Variants in AUTS2 observed in about 807,000 individuals in gnomAD.
AUTS2 encodes the protein activator of transcription and developmental regulator AUTS2.
A neutral mutation model predicts 112.4 loss-of-function variants in AUTS2; 17 were observed. That is an observed-to-expected ratio of 0.15 (90% CI 0.10 to 0.23). The LOEUF is 0.23. AUTS2 is among the 10% of genes least tolerant of loss of function. AUTS2 has a pLI of 1.00. For synonymous variants in AUTS2, 751 were observed against 702.7 expected (o/e 1.07, Z -1.09); for missense variants, 1,510 against 1,701.6 (o/e 0.89, Z 1.98).
At chr7:69,765,868 G>A (rs989189920) in intron 1 of AUTS2, among the ~76,000 whole-genome samples, 4 of 152,136 alleles carry the variant, frequency 2.6e-5, no homozygotes, top group Non-Finnish European at 5.9e-5. Context: ...GATCGCTTGA[G>A]CCCAGGAGGA....
In AUTS2 at chr7:70,763,138, G is replaced by A; in HGVS notation, c.1011G>A (p.Leu337=). Residue 337 remains leucine, a synonymous_variant, in exon 7 of 19, where the codon CTG becomes CTA. Transcript: ENST00000342771. The part of the protein sequence containing the change: ...RTEAPPQPPP[L]STQPPQGPPE... ...AGGCCCCACCTCAACCCCCACCTCT[G>A]AGTACACAGCCACCACAGGGCCCTC... 6.2e-7 allele frequency: 1 copy of A among 1,613,930 alleles called. No individual in the cohort carries two copies. Among genetic ancestry groups the A allele is most frequent in the Non-Finnish European group, 8.5e-7 (1 of 1,179,964 alleles).
At chr7:69,899,607 G>T (rs557430209) in intron 2 of AUTS2, 109 bp downstream of exon 2, 4 of 1,026,680 alleles carry the variant, frequency 3.9e-6, no homozygotes, top group Non-Finnish European at 5.8e-6. Flanking sequence ...TTGGTGGGAT[G>T]CTGAAGTGGT....
intron 6 of AUTS2, among the ~76,000 whole-genome samples, chr7:70,745,628 A>C (rs1788404138): frequency 6.6e-6 from 1 of 152,204 alleles, no homozygotes; most frequent in African/African-American, 2.4e-5. Flanking sequence ...ACAGGCGTAT[A>C]CCTGGAGGCT....
At chr7:69,658,402 T>C (rs184398265) in intron 1 of AUTS2, among the ~76,000 whole-genome samples, 2 of 152,372 alleles carry the variant, frequency 1.3e-5, no homozygotes, top group East Asian at 3.9e-4. Context: ...GACTGACCAA[T>C]CTATTTCTCT....
intron 2 of AUTS2, among the ~76,000 whole-genome samples, chr7:69,991,809 T>C (rs1798752442): frequency 6.6e-6 from 1 of 152,196 alleles, no homozygotes; most frequent in Admixed American, 6.5e-5. Flanking sequence ...GGGCAGTGAT[T>C]TCTCCCAAAG....
intron 1 of AUTS2, among the ~76,000 whole-genome samples, chr7:69,774,353 T>C (rs1163728891): frequency 6.6e-6 from 1 of 152,190 alleles, no homozygotes; most frequent in African/African-American, 2.4e-5. Context: ...TGAACCATGA[T>C]TGTGCCACTG....
intron 2 of AUTS2, among the ~76,000 whole-genome samples, chr7:69,954,084 A>G (rs1440079762): frequency 6.6e-6 from 1 of 152,138 alleles, no homozygotes; most frequent in Non-Finnish European, 1.5e-5. Flanking sequence ...ATTTACATAT[A>G]TTTAAGGTAT....
intron 4 of AUTS2, among the ~76,000 whole-genome samples, chr7:70,145,621 G>C (rs1272209078): frequency 1.3e-5 from 2 of 152,066 alleles, no homozygotes; most frequent in African/African-American, 4.8e-5. Flanking sequence ...GTAGGTCTAT[G>C]TTATACACAG....
intron 5 of AUTS2, among the ~76,000 whole-genome samples, chr7:70,645,166 T>A (rs1053094735): frequency 6.6e-6 from 1 of 152,134 alleles, no homozygotes; most frequent in East Asian, 1.9e-4. Flanking sequence ...TTGACTTCTT[T>A]TATCTTCCAT....
intron 6 of AUTS2, among the ~76,000 whole-genome samples, chr7:70,716,002 T>C (rs1810344325): frequency 6.6e-6 from 1 of 152,250 alleles, no homozygotes; most frequent in Non-Finnish European, 1.5e-5. Context: ...CTGAGAATCT[T>C]AAGTGACTTG....
chr7:69,614,370 TTAAGAGATGGGA>T (rs1793245006), intron 1 of AUTS2, among the ~76,000 whole-genome samples: 3 of 28,536 alleles, frequency 1.1e-4, no homozygotes, highest in East Asian at 1.7e-3. Context: ...CTTTCTTTTT[TTAAGAGATGGGA>T]TCTCACTCTG....
At chr7:70,408,053 CAAA>C (rs1279422141) in intron 4 of AUTS2, among the ~76,000 whole-genome samples, 43 of 58,622 alleles carry the variant, frequency 7.3e-4, no homozygotes, top group African/African-American at 2.3e-3. Context: ...GACTCCATCT[CAAA>C]AAAAAAAAAA....
intron 2 of AUTS2, among the ~76,000 whole-genome samples, chr7:69,995,943 T>A (rs896787057): frequency 1.3e-5 from 2 of 152,160 alleles, no homozygotes; most frequent in African/African-American, 2.4e-5. Context: ...CTAAGGTGGG[T>A]CCAGTAATGC....
intron 2 of AUTS2, among the ~76,000 whole-genome samples, chr7:69,983,243 A>C (rs1209855239): frequency 6.6e-6 from 1 of 151,890 alleles, no homozygotes; most frequent in Admixed American, 6.5e-5. Flanking sequence ...TTTTGTACTC[A>C]TGATTCTAAT....
chr7:70,727,557 A>G (rs2129552195), intron 6 of AUTS2, among the ~76,000 whole-genome samples: 1 of 152,302 alleles, frequency 6.6e-6, no homozygotes, highest in Non-Finnish European at 1.5e-5. Flanking sequence ...CATGTTGGCC[A>G]GGCTGGTCTC....
At chr7:70,020,923 G>C (rs945794014) in intron 2 of AUTS2, among the ~76,000 whole-genome samples, 1 of 152,150 alleles carries the variant, frequency 6.6e-6, no homozygotes, top group African/African-American at 2.4e-5. Context: ...CTCCCACCTT[G>C]ATCTCCCAAA....
At chr7:70,186,656 G>A (rs1584852417) in intron 4 of AUTS2, among the ~76,000 whole-genome samples, 1 of 152,082 alleles carries the variant, frequency 6.6e-6, no homozygotes. Flanking sequence ...TGCAACCTCC[G>A]CCTCCTGGGT....
intron 10 of AUTS2, among the ~76,000 whole-genome samples, chr7:70,770,319 A>G (rs1790254072): frequency 6.6e-6 from 1 of 152,244 alleles, no homozygotes; most frequent in Non-Finnish European, 1.5e-5. Context: ...GAGCAAAATG[A>G]AATAAAGACC....
chr7:70,126,157 G>A (rs964907996), intron 3 of AUTS2, among the ~76,000 whole-genome samples: 1 of 152,198 alleles, frequency 6.6e-6, no homozygotes, highest in South Asian at 2.1e-4. Flanking sequence ...GGTGGCTCAC[G>A]CCTGCAATCC....
Sources: allele counts gnomAD v4.1 joint callset (sites outside exome capture counted in the v4.1 genomes callset), GRCh38; gene constraint gnomAD v4.1.1; transcripts MANE v1.5; gene names NCBI Gene and HGNC (gene_info 2026-07-23, HGNC 2026-07-21).